The following TMTC2 variants were observed in gnomAD, a reference collection of about 807,000 sequenced individuals.
TMTC2 encodes the protein transmembrane O-mannosyltransferase targeting cadherins 2, also known as protein O-mannosyl-transferase TMTC2.
TMTC2 carries 43 observed loss-of-function variants against 82.4 expected under a neutral mutation model. That is an observed-to-expected ratio of 0.52 (90% CI 0.41 to 0.67). The LOEUF is 0.67. Among genes scored for constraint, TMTC2 ranks in the 30% least tolerant of loss-of-function variants. The pLI is 0.00. For missense variants in TMTC2, 919 were observed against 1,012.4 expected (o/e 0.91, Z 1.25); for synonymous variants, 408 against 381.9 (o/e 1.07, Z -0.80).
At chr12:82,698,400 C>G (rs1872918016) in intron 1 of TMTC2, among the ~76,000 whole-genome samples, 1 of 152,028 alleles carries the variant, frequency 6.6e-6, no homozygotes, top group Admixed American at 6.6e-5. Flanking sequence ...AACTGCCAAC[C>G]ACAGAGTGAG....
At chr12:82,945,898 G>A (rs1354319762) in intron 4 of TMTC2, among the ~76,000 whole-genome samples, 1 of 152,056 alleles carries the variant, frequency 6.6e-6, no homozygotes, top group East Asian at 1.9e-4. Flanking sequence ...AAGGACATCT[G>A]GATATTTAGA....
At chr12:82,809,913 ATACT>A (rs1249336209) in intron 1 of TMTC2, among the ~76,000 whole-genome samples, 1 of 152,176 alleles carries the variant, frequency 6.6e-6, no homozygotes, top group African/African-American at 2.4e-5. Context: ...TTTGAAGGAA[ATACT>A]TACGGTATGG....
chr12:83,033,808 ATATGTG>A (rs1223185681), intron 9 of TMTC2, among the ~76,000 whole-genome samples: 2 of 139,250 alleles, frequency 1.4e-5, no homozygotes, highest in African/African-American at 5.9e-5. Context: ...ATATACACAT[ATATGTG>A]TGTGTGTGTG....
intron 8 of TMTC2, among the ~76,000 whole-genome samples, chr12:83,024,941 C>T (rs1881094623): frequency 6.6e-6 from 1 of 152,142 alleles, no homozygotes; most frequent in South Asian, 2.1e-4. Context: ...CTTGTAATCC[C>T]ACCACTTTGG....
chr12:82,767,850 C>T (rs1217077870), intron 1 of TMTC2, among the ~76,000 whole-genome samples: 5 of 152,146 alleles, frequency 3.3e-5, no homozygotes, highest in African/African-American at 4.8e-5. Flanking sequence ...AAACCCAGCT[C>T]CCCTTAAAGT....
chr12:82,710,385 C>T (rs1397056911), intron 1 of TMTC2, among the ~76,000 whole-genome samples: 1 of 152,174 alleles, frequency 6.6e-6, no homozygotes, highest in Non-Finnish European at 1.5e-5. Flanking sequence ...ATATTGCCAC[C>T]TCCATTTTAG....
intron 1 of TMTC2, among the ~76,000 whole-genome samples, chr12:82,832,807 A>G (rs1203754053): frequency 1.3e-5 from 2 of 152,210 alleles, no homozygotes; most frequent in African/African-American, 2.4e-5. Context: ...GCTTTTTTAA[A>G]AGGAGGAAAA....
chr12:82,880,343 A>C (rs1401166762), intron 2 of TMTC2, among the ~76,000 whole-genome samples: 1 of 152,222 alleles, frequency 6.6e-6, no homozygotes, highest in Non-Finnish European at 1.5e-5. Flanking sequence ...CACAATGTTA[A>C]GACTTTTTAT....
In TMTC2 at chr12:83,023,544, G is replaced by A. The variant is rs147072579; in HGVS notation, c.2071-7254G>A. 5.1e-3 allele frequency among the ~76,000 whole-genome samples: 784 copies of A among 152,302 alleles called. 6 individuals are homozygous for A. Among genetic ancestry groups the A allele is most frequent in the Middle Eastern group, 0.02 (6 of 294 alleles). ...ATAATGGTGCTCACAAAACTAGGAG[G>A]GAGGCTGTCCTGGCCATCTGATCTG... On this transcript the variant is annotated intron_variant, in intron 8 of 11. Coordinates refer to ENST00000321196, the MANE Select transcript of TMTC2 (RefSeq NM_152588.3).
chr12:82,752,426 C>T (rs1424358253), intron 1 of TMTC2, among the ~76,000 whole-genome samples: 1 of 152,024 alleles, frequency 6.6e-6, no homozygotes, highest in Non-Finnish European at 1.5e-5. Context: ...GCAGAGGTTG[C>T]AGTGAGCCGA....
At chr12:82,948,519 C>G (rs1592649861) in intron 4 of TMTC2, among the ~76,000 whole-genome samples, 1 of 152,064 alleles carries the variant, frequency 6.6e-6, no homozygotes, top group South Asian at 2.1e-4. Context: ...ATTTTTGGAA[C>G]TCATCTTCCT....
intron 8 of TMTC2, among the ~76,000 whole-genome samples, chr12:83,011,200 C>G (rs1880441216): frequency 6.6e-6 from 1 of 152,286 alleles, no homozygotes; most frequent in Non-Finnish European, 1.5e-5. Flanking sequence ...GATCATAAAG[C>G]CTGACTTCCT....
At chr12:82,944,364 C>T (rs932728121) in intron 4 of TMTC2, among the ~76,000 whole-genome samples, 2 of 152,050 alleles carry the variant, frequency 1.3e-5, no homozygotes, top group Non-Finnish European at 1.5e-5. Flanking sequence ...GTGGGCGGAC[C>T]ACGAGGTCAG....
intron 8 of TMTC2, among the ~76,000 whole-genome samples, chr12:82,996,624 C>G (rs1231743237): frequency 6.6e-6 from 1 of 152,148 alleles, no homozygotes. Flanking sequence ...AAGTAGGACT[C>G]TTTTGTCAGT....
intron 2 of TMTC2, among the ~76,000 whole-genome samples, chr12:82,868,527 C>T (rs957453217): frequency 1.3e-5 from 2 of 152,014 alleles, no homozygotes; most frequent in Admixed American, 6.5e-5. Context: ...TTTCTTTTCC[C>T]CTTTGGGCTC....
At chr12:83,124,688 G>T (rs935404944) in intron 11 of TMTC2, among the ~76,000 whole-genome samples, 1 of 152,012 alleles carries the variant, frequency 6.6e-6, no homozygotes, top group Non-Finnish European at 1.5e-5. Context: ...GAAGTTTCAG[G>T]TGGCTCAGAC....
At chr12:82,933,127 G>A (rs1314610411) in intron 4 of TMTC2, among the ~76,000 whole-genome samples, 1 of 152,140 alleles carries the variant, frequency 6.6e-6, no homozygotes, top group Admixed American at 6.5e-5. Context: ...TTACTAATAT[G>A]ATGGGTCTTT....
At chr12:83,027,538 T>C (rs1190299039) in intron 8 of TMTC2, among the ~76,000 whole-genome samples, 2 of 152,178 alleles carry the variant, frequency 1.3e-5, no homozygotes, top group Non-Finnish European at 1.5e-5. Context: ...GATTTCGTCA[T>C]ATGTCATTTC....
intron 9 of TMTC2, among the ~76,000 whole-genome samples, chr12:83,043,821 C>G (rs2137444258): frequency 1.3e-5 from 2 of 152,290 alleles, no homozygotes; most frequent in South Asian, 4.1e-4. Flanking sequence ...AAACTATCTT[C>G]TGTTTTCAGA....
Sources: allele counts gnomAD v4.1 joint callset (sites outside exome capture counted in the v4.1 genomes callset), GRCh38; gene constraint gnomAD v4.1.1; transcripts MANE v1.5; gene names NCBI Gene and HGNC (gene_info 2026-07-23, HGNC 2026-07-21).